Variants in HDAC9 observed in about 807,000 individuals in gnomAD.
HDAC9 encodes the protein histone deacetylase 9, also known as MEF-2 interacting transcription repressor (MITR) protein.
Under a neutral mutation model 139.4 loss-of-function variants are expected in HDAC9, and 41 were observed. That is an observed-to-expected ratio of 0.29 (90% confidence interval 0.23 to 0.38). The LOEUF is 0.38. HDAC9 is among the 10% of genes least tolerant of loss of function. The probability of loss-of-function intolerance (pLI) is 1.00; values close to 1 mark genes in which losing one functional copy is unlikely to be tolerated. For missense variants in HDAC9, 1,147 were observed against 1,297.0 expected (o/e 0.88, Z 1.78); for synonymous variants, 517 against 476.2 (o/e 1.09, Z -1.12).
chr7:18,641,032 T>C (rs1337669369), intron 8 of HDAC9, among the ~76,000 whole-genome samples: 5 of 151,840 alleles, frequency 3.3e-5, no homozygotes, highest in Non-Finnish European at 5.9e-5. Flanking sequence ...CATATGAGAG[T>C]TTTTACCTTT....
chr7:18,812,441 A>G (rs970282582), intron 17 of HDAC9, among the ~76,000 whole-genome samples: 3 of 151,978 alleles, frequency 2.0e-5, no homozygotes, highest in Non-Finnish European at 4.4e-5. Flanking sequence ...GGTTAATATT[A>G]TCATTTGATA....
chr7:18,598,447 A>G (rs10231336), intron 6 of HDAC9, among the ~76,000 whole-genome samples: 3,730 of 152,242 alleles, frequency 0.025, 157 homozygotes, highest in African/African-American at 0.085. Context: ...CAGGCTTTGA[A>G]TCCACACATA....
chr7:18,370,580 T>A (rs1197786635), intron 1 of HDAC9, among the ~76,000 whole-genome samples: 3 of 152,166 alleles, frequency 2.0e-5, no homozygotes, highest in African/African-American at 7.2e-5. Flanking sequence ...ATAATATTAG[T>A]CTGTAAATCA....
At chr7:18,864,718 A>C (rs1563001833) in intron 21 of HDAC9, among the ~76,000 whole-genome samples, 1 of 151,660 alleles carries the variant, frequency 6.6e-6, no homozygotes, top group Non-Finnish European at 1.5e-5. Context: ...CAGAAATTGG[A>C]ATGGTGGTTG....
Position 18,457,568 on chromosome 7 carries a change from G to A in HDAC9, c.-41-38694G>A, listed in dbSNP as rs1262880159. On this transcript the variant is annotated intron_variant, in intron 1 of 3. Transcript: ENST00000413509. Reference sequence around the variant, plus strand: ...CTGATTAGTTGCTGTCTGCCCCTGTGCAGCTGACCCATTATATTTACAAAT... The same window carrying A: ...CTGATTAGTTGCTGTCTGCCCCTGTACAGCTGACCCATTATATTTACAAAT... Among the ~76,000 whole-genome samples, 3 of 152,082 alleles carry A rather than the reference G, an allele frequency of 2.0e-5. No homozygotes were observed. In the East Asian group the frequency reaches 5.8e-4, roughly 29 times the overall value.
intron 1 of HDAC9, among the ~76,000 whole-genome samples, chr7:18,383,507 A>G (rs1003540760): frequency 1.3e-5 from 2 of 152,204 alleles, no homozygotes; most frequent in East Asian, 3.9e-4. Context: ...ATTCTGGGAA[A>G]AACTGGCTCT....
chr7:18,135,765 G>A (rs1433761112), intron 1 of HDAC9, among the ~76,000 whole-genome samples: 4 of 148,628 alleles, frequency 2.7e-5, no homozygotes, highest in Non-Finnish European at 3.0e-5. Context: ...ATAAACATAC[G>A]TGTGCATGTG....
chr7:18,665,089 A>T (rs1165189028), intron 11 of HDAC9, among the ~76,000 whole-genome samples: 3 of 152,164 alleles, frequency 2.0e-5, no homozygotes, highest in Admixed American at 2.0e-4. Context: ...AAGTCTGAGT[A>T]CTTAAGTATT....
Position 18,771,270 on chromosome 7 carries a change from T to C in HDAC9, c.2214+4115T>C, listed in dbSNP as rs192950555. Among the ~76,000 whole-genome samples the C allele has an allele frequency of 2.0e-5, 3 of 152,236 alleles. No individual in the cohort carries two copies. In the East Asian group the frequency reaches 5.8e-4, roughly 29 times the overall value. On this transcript the variant is annotated intron_variant, in intron 16 of 25. Coordinates refer to ENST00000686413, the MANE Select transcript of HDAC9 (RefSeq NM_178425.4). Reference sequence around the variant, plus strand: ...TACGACTTTTACTCTGTTCATATTCTGTTTGGTTACACCTAGATCTGACAC... The same window carrying C: ...TACGACTTTTACTCTGTTCATATTCCGTTTGGTTACACCTAGATCTGACAC...
intron 2 of HDAC9, among the ~76,000 whole-genome samples, chr7:18,209,878 T>A (rs1340369719): frequency 1.3e-5 from 2 of 152,056 alleles, no homozygotes; most frequent in Non-Finnish European, 2.9e-5. Flanking sequence ...TTTTTTGTAT[T>A]TTTAGTAGAG....
intron 1 of HDAC9, among the ~76,000 whole-genome samples, chr7:18,106,715 G>T (rs573735439): frequency 1.3e-5 from 2 of 152,232 alleles, no homozygotes; most frequent in Admixed American, 6.5e-5. Context: ...CAGCCTCCCA[G>T]TGTGCTGGGA....
chr7:18,275,695 G>A (rs879558851), intron 2 of HDAC9, among the ~76,000 whole-genome samples: 6 of 152,070 alleles, frequency 3.9e-5, no homozygotes, highest in Non-Finnish European at 5.9e-5. Context: ...GCATGGTCAA[G>A]TACCTTTATG....
chr7:18,255,275 A>T (rs888725549), intron 2 of HDAC9, among the ~76,000 whole-genome samples: 3 of 152,212 alleles, frequency 2.0e-5, no homozygotes, highest in Non-Finnish European at 4.4e-5. Flanking sequence ...GTATTTTGGA[A>T]TTGGTCAGGA....
At chr7:18,608,098 A>T (rs2128897043) in intron 6 of HDAC9, among the ~76,000 whole-genome samples, 1 of 152,310 alleles carries the variant, frequency 6.6e-6, no homozygotes, top group East Asian at 1.9e-4. Context: ...TATAGAACTG[A>T]GAACACTGAG....
chr7:18,573,588 C>T (rs188449203), intron 2 of HDAC9, among the ~76,000 whole-genome samples: 3 of 152,274 alleles, frequency 2.0e-5, no homozygotes, highest in East Asian at 1.9e-4. Flanking sequence ...ACGAGCAAGG[C>T]GTGGAGCGGT....
intron 2 of HDAC9, among the ~76,000 whole-genome samples, chr7:18,195,455 A>G (rs1024601577): frequency 6.6e-6 from 1 of 152,220 alleles, no homozygotes; most frequent in Admixed American, 6.6e-5. Context: ...ATAAATAAAA[A>G]CATGAAATAG....
At chr7:18,086,979 CCGCCGCTCTCGCCGCTTT>C (rs1265073434) in exon 1 of HDAC9, 2 of 149,384 alleles carry the variant, frequency 1.3e-5, no homozygotes, top group African/African-American at 2.4e-5. Flanking sequence ...CGCGCCGCGC[CCGCCGCTCTCGCCGCTTT>C]CGCCGCGGTC....
chr7:18,658,223 G>T (rs1791907528), intron 11 of HDAC9, among the ~76,000 whole-genome samples: 1 of 152,060 alleles, frequency 6.6e-6, no homozygotes, highest in African/African-American at 2.4e-5. Flanking sequence ...TGTGTGCTGG[G>T]ATCTTGCTTG....
intron 6 of HDAC9, among the ~76,000 whole-genome samples, chr7:18,624,957 A>G (rs3801986): frequency 0.46 from 69,088 of 151,546 alleles, 16,246 homozygotes; most frequent in South Asian, 0.62. Flanking sequence ...TTCTTTAGAG[A>G]AGTTGTATAC....
Sources: allele counts gnomAD v4.1 joint callset (sites outside exome capture counted in the v4.1 genomes callset), GRCh38; gene constraint gnomAD v4.1.1; transcripts MANE v1.5; gene names NCBI Gene and HGNC (gene_info 2026-07-23, HGNC 2026-07-21).